Variants in CORO7 observed in about 807,000 individuals in gnomAD.
CORO7 encodes coronin 7.
CORO7 carries 107 observed loss-of-function variants against 126.6 expected under a neutral mutation model. The ratio of observed to expected loss-of-function variants is 0.85; its 90% CI spans 0.72 to 0.99. The LOEUF is 0.99. CORO7 is among the 50% of genes least tolerant of loss of function. The pLI is 0.00. For synonymous variants in CORO7, 603 were observed against 536.8 expected (o/e 1.12, Z -1.70); for missense variants, 1,314 against 1,255.8 (o/e 1.05, Z -0.70).
chr16:4,359,937 A>T (rs906892679), intron 21 of CORO7, among the ~76,000 whole-genome samples: 1 of 35,804 alleles, frequency 2.8e-5, no homozygotes, highest in Non-Finnish European at 5.1e-5. Context: ...CCATCTCCCC[A>T]CTACCCCCAA....
At chr16:4,366,031 T>A (rs2054335651) in intron 9 of CORO7, among the ~76,000 whole-genome samples, 1 of 152,160 alleles carries the variant, frequency 6.6e-6, no homozygotes, top group Admixed American at 6.5e-5. Flanking sequence ...GCACTAAGGT[T>A]TGGGGCCCTC....
intron 7 of CORO7, among the ~76,000 whole-genome samples, chr16:4,391,375 G>T (rs956976015): frequency 6.6e-6 from 1 of 152,168 alleles, no homozygotes; most frequent in Non-Finnish European, 1.5e-5. Context: ...GGCCAACATG[G>T]TGAAACCCCA....
At position 4,365,017 on chromosome 16, in the gene CORO7, G is replaced by A. The variant is rs142737736; in HGVS notation, c.884C>T (p.Pro295Leu). 25 of 1,605,816 alleles carry A rather than the reference G, an allele frequency of 1.6e-5. No individual in the cohort carries two copies. The highest frequency in any genetic ancestry group is 1.4e-4 in the South Asian group (13 of 89,812). The part of the protein sequence containing the change: ...LYCYEVVPQQ[P>L]ALSPVTQCVL... ...GCAAGGCTTACCTGGGCTCAGCGCC[G>A]GCTGCTGCGGGACCACCTCGTAACA... Residue 295 changes from proline (P) to leucine (L), a missense_variant, in exon 11 of 28, where the codon CCG (proline) becomes CTG (leucine). Pro to Leu is a moderately conservative substitution (Grantham distance 98). Coordinates refer to ENST00000251166, the MANE Select transcript of CORO7 (RefSeq NM_024535.5).
chr16:4,403,226 A>T (rs2055877597), intron 6 of CORO7, among the ~76,000 whole-genome samples: 1 of 152,026 alleles, frequency 6.6e-6, no homozygotes, highest in South Asian at 2.1e-4. Flanking sequence ...CTCTCTGCAC[A>T]CTCATGGGCA....
chr16:4,398,529 G>A (rs528588498), intron 6 of CORO7, among the ~76,000 whole-genome samples: 12 of 152,244 alleles, frequency 7.9e-5, no homozygotes, highest in African/African-American at 2.6e-4. Context: ...AGCCGGGCGT[G>A]GTGGCGTGCA....
intron 13 of CORO7, 25 bp from the exon 14 acceptor site, chr16:4,364,438 G>A: frequency 1.3e-6 from 2 of 1,490,464 alleles, no homozygotes; most frequent in Non-Finnish European, 1.8e-6. Context: ...GCAGTGGGGA[G>A]ATGGGGGCAT....
At chr16:4,381,646 C>G (rs746845958) in intron 9 of CORO7, 1 of 1,601,082 alleles carries the variant, frequency 6.2e-7, no homozygotes, top group Non-Finnish European at 8.5e-7. Flanking sequence ...CCAGCTGCGG[C>G]CCGAGGACCT....
intron 6 of CORO7, among the ~76,000 whole-genome samples, chr16:4,402,827 C>T (rs1039713081): frequency 1.3e-5 from 2 of 152,210 alleles, no homozygotes; most frequent in South Asian, 2.1e-4. Flanking sequence ...ATGGGCCATC[C>T]GTGAGGAGAG....
intron 9 of CORO7, chr16:4,382,161 G>A (rs563539410): frequency 8.2e-6 from 13 of 1,593,730 alleles, no homozygotes; most frequent in Non-Finnish European, 1.1e-5. Flanking sequence ...GGCACCACCT[G>A]GCGTGCTTGT....
chr16:4,403,565 G>A (rs868631587), intron 6 of CORO7, among the ~76,000 whole-genome samples: 2 of 152,160 alleles, frequency 1.3e-5, no homozygotes, highest in Non-Finnish European at 2.9e-5. Flanking sequence ...GGTTTAGCGG[G>A]GGAAAACACA....
intron 14 of CORO7, among the ~76,000 whole-genome samples, 166 bp downstream of exon 14, chr16:4,364,110 T>C (rs1386641612): frequency 6.6e-6 from 1 of 151,488 alleles, no homozygotes; most frequent in Non-Finnish European, 1.5e-5. Context: ...CGCTTGAACC[T>C]AGGAAGAGGA....
In CORO7 at chr16:4,362,477, C is replaced by T; in HGVS notation, c.1402+135G>A. ...ACCCCAGCCCCCAGGACAAATGACC[C>T]TGCCAGTGAGTCTGGGTGAGGGGGG... is the stretch of plus-strand genomic sequence containing the variant. On this transcript the variant is annotated intron_variant, in intron 15 of 27. Coordinates refer to ENST00000251166, the MANE Select transcript of CORO7 (RefSeq NM_024535.5). The surrounding 1 kb of genome is among the most constrained non-coding windows in gnomAD (Gnocchi z 5.3). 1 of 1,426,444 alleles carries T rather than the reference C, an allele frequency of 7.0e-7. No homozygotes were observed. The allele number at this position is 1,426,444 out of a possible 1,614,324, so 88.4% of individuals were successfully genotyped here.
chr16:4,381,097 G>A lies in CORO7; in HGVS notation c.785+6889C>T, dbSNP rs762599405. On this transcript the variant is annotated intron_variant, in intron 9 of 27. Coordinates refer to ENST00000251166, the MANE Select transcript of CORO7 (RefSeq NM_024535.5). ...CATGCTCGACGCAGGCAGCTTTGCC[G>A]GCCTGCCGGGCCTGCAGCTCCTGGA... 3.2e-5 allele frequency: 52 copies of A among 1,606,836 alleles called. 1 individual carries two copies. In the East Asian group the frequency reaches 9.4e-4, roughly 29 times the overall value.
At position 4,360,371 on chromosome 16, in the gene CORO7, G is replaced by C. The variant is rs758130933; in HGVS notation, c.2023-8C>G. 6.2e-7 allele frequency: 1 copy of C among 1,613,550 alleles called. No homozygotes were observed. On this transcript the variant is annotated splice_region_variant and splice_polypyrimidine_tract_variant and intron_variant, in intron 20 of 27. Coordinates refer to ENST00000251166, the MANE Select transcript of CORO7 (RefSeq NM_024535.5). Reference sequence around the variant, plus strand: ...CTTGGGCCCTGGGCCTTCCTGTTGAGATACATCGCGTGACACCCAGCCAGC... The same window carrying C: ...CTTGGGCCCTGGGCCTTCCTGTTGACATACATCGCGTGACACCCAGCCAGC...
Position 4,361,402 on chromosome 16 carries a change from T to C in CORO7, c.1646A>G (p.Asp549Gly). 2 of 1,611,910 alleles carry C rather than the reference T, an allele frequency of 1.2e-6. No individual in the cohort carries two copies. The highest frequency in any genetic ancestry group is 1.7e-6 in the Non-Finnish European group (2 of 1,179,694). Reference protein sequence around the residue: ...PTLQNGAAVTDLAWDPFDPHR... With the variant: ...PTLQNGAAVTGLAWDPFDPHR... ...GGGGTCAAAGGGGTCCCAGGCCAGA[T>C]CAGTCACAGCTGCCCCATTCTGCAG... Residue 549 changes from aspartate (D) to glycine (G), a missense_variant, in exon 17 of 28, where the codon GAT becomes GGT. By Grantham distance (94) the Asp-to-Gly change is moderately conservative. Transcript: ENST00000251166.
chr16:4,396,292 C>G (rs756487117), intron 6 of CORO7, among the ~76,000 whole-genome samples: 44 of 152,058 alleles, frequency 2.9e-4, no homozygotes, highest in Admixed American at 2.8e-3. Flanking sequence ...GTTGGCAGGC[C>G]GGTCTCAAAC....
chr16:4,357,359 T>C (rs865912800), intron 25 of CORO7, 100 bp from the exon 26 acceptor site: 448 of 1,044,096 alleles, frequency 4.3e-4, no homozygotes, highest in Middle Eastern at 1.5e-3. Flanking sequence ...TTCTTTCTTT[T>C]TTTTTTTTTT....
At chr16:4,368,473 G>A (rs1175185583) in intron 9 of CORO7, among the ~76,000 whole-genome samples, 1 of 150,430 alleles carries the variant, frequency 6.6e-6, no homozygotes, top group Admixed American at 6.6e-5. Flanking sequence ...AGATCGCATC[G>A]CCAGCTGGGC....
chr16:4,405,640 TG>T (rs1431116179), intron 5 of CORO7, 73 bp from the exon 6 acceptor site: 49 of 1,537,166 alleles, frequency 3.2e-5, no homozygotes, highest in South Asian at 1.0e-4. Context: ...CGGGCCTTGC[TG>T]GGGGGAACTC....
Sources: gnomAD v4.1 joint callset for allele counts (sites outside exome capture counted in the v4.1 genomes callset) on GRCh38, gnomAD v4.1.1 for gene constraint, Gnocchi (gnomAD v3.1) non-coding constraint, MANE v1.5 for transcripts, NCBI Gene and HGNC (gene_info 2026-07-23, HGNC 2026-07-21) for gene names.